The following DOCK2 variants were observed in gnomAD, a reference collection of about 807,000 sequenced individuals.
The protein encoded by DOCK2 is dedicator of cytokinesis protein 2.
Under a neutral mutation model 248.9 loss-of-function variants are expected in DOCK2, and 87 were observed. That is an observed-to-expected ratio of 0.35 (90% CI 0.29 to 0.42). DOCK2 has a LOEUF of 0.42. Among genes scored for constraint, DOCK2 ranks in the 10% least tolerant of loss-of-function variants. The pLI is 1.00. For synonymous variants in DOCK2, 805 were observed against 821.6 expected (o/e 0.98, Z 0.35); for missense variants, 1,747 against 2,300.2 (o/e 0.76, Z 4.92).
intron 41 of DOCK2, among the ~76,000 whole-genome samples, chr5:170,051,319 AC>A: frequency 6.6e-6 from 1 of 151,706 alleles, no homozygotes; most frequent in East Asian, 1.9e-4. Flanking sequence ...CGTCAGCCCC[AC>A]CCCCATCCTT....
intron 40 of DOCK2, among the ~76,000 whole-genome samples, chr5:170,049,076 C>T (rs1265966997): frequency 6.6e-6 from 1 of 152,162 alleles, no homozygotes; most frequent in Non-Finnish European, 1.5e-5. Context: ...ACGTCAGAAT[C>T]CCCTGGAGAA....
At chr5:169,745,538 T>A (rs1344656423) in intron 22 of DOCK2, among the ~76,000 whole-genome samples, 6 of 152,208 alleles carry the variant, frequency 3.9e-5, no homozygotes, top group African/African-American at 1.4e-4. Context: ...AGCAAAGCAG[T>A]GTGCAAAGAG....
At position 170,040,924 on chromosome 5, in the gene DOCK2, G is replaced by A. The variant is rs555993653; in HGVS notation, c.3666-131G>A. 135 of 674,962 alleles carry A rather than the reference G, an allele frequency of 2.0e-4. 37 individuals carry two copies. The African/African-American group carries it at 5.3e-3, about 26-fold the overall frequency. 41.8% of individuals were successfully genotyped at this position (674,962 alleles called of 1,614,324 possible). ...CTGTCATTACCCACACAAAGTTCTG[G>A]TTATCCAGGGAGGAGGACTTTCTTG... is the stretch of plus-strand genomic sequence containing the variant. On this transcript the variant is annotated intron_variant, in intron 36 of 51. Transcript: ENST00000520908.
chr5:170,039,639 A>C (rs576594210), intron 36 of DOCK2, among the ~76,000 whole-genome samples: 1 of 152,290 alleles, frequency 6.6e-6, no homozygotes, highest in South Asian at 2.1e-4. Context: ...GGCAGCCTAC[A>C]TTTGACCCAC....
At chr5:169,968,851 T>A (rs1184575028) in intron 27 of DOCK2, among the ~76,000 whole-genome samples, 1 of 152,120 alleles carries the variant, frequency 6.6e-6, no homozygotes, top group Non-Finnish European at 1.5e-5. Flanking sequence ...TAGAGAAGGC[T>A]TCCCGGGAGA....
chr5:169,848,344 G>T (rs1175542994), intron 27 of DOCK2, among the ~76,000 whole-genome samples: 1 of 152,210 alleles, frequency 6.6e-6, no homozygotes, highest in East Asian at 1.9e-4. Flanking sequence ...ATGTGAACCA[G>T]GGACACCAGA....
At chr5:170,077,975 A>T in intron 48 of DOCK2, 138 bp downstream of exon 48, 1 of 739,280 alleles carries the variant, frequency 1.4e-6, no homozygotes, top group Non-Finnish European at 2.2e-6. Context: ...TCCCATCTGC[A>T]GTCTCACAAC....
At chr5:169,746,576 C>T (rs1472422922) in intron 22 of DOCK2, among the ~76,000 whole-genome samples, 3 of 152,132 alleles carry the variant, frequency 2.0e-5, no homozygotes, top group Non-Finnish European at 4.4e-5. Flanking sequence ...GATTAGGCTG[C>T]GGATATTTCA....
chr5:169,665,867 T>A (rs2113256684), intron 2 of DOCK2, among the ~76,000 whole-genome samples: 1 of 152,322 alleles, frequency 6.6e-6, no homozygotes, highest in African/African-American at 2.4e-5. Flanking sequence ...CTGCCTCCCT[T>A]GACTCTTAGA....
chr5:169,798,444 G>A (rs1008139314), intron 25 of DOCK2, among the ~76,000 whole-genome samples: 1 of 152,198 alleles, frequency 6.6e-6, no homozygotes, highest in Non-Finnish European at 1.5e-5. Flanking sequence ...ACTTACCAAG[G>A]AGATCTTTCA....
At position 170,082,881 on chromosome 5, in the gene DOCK2, T is replaced by C; in HGVS notation, c.*23T>C. On this transcript the variant is annotated 3_prime_UTR_variant, in exon 52 of 52. Coordinates refer to ENST00000520908, the MANE Select transcript of DOCK2 (RefSeq NM_004946.3). Reference sequence around the variant, plus strand: ...TGAGCTGCTGCTGACTAGGGCTGCATGGGAGAGCCAGGGAGGGGAGTTTCT... The same window carrying C: ...TGAGCTGCTGCTGACTAGGGCTGCACGGGAGAGCCAGGGAGGGGAGTTTCT... 1 of 1,614,118 alleles carries C rather than the reference T, an allele frequency of 6.2e-7. No individual in the cohort carries two copies. The highest frequency in any genetic ancestry group is 1.7e-5 in the Admixed American group (1 of 60,022).
chr5:170,011,700 C>T (rs1755302487), intron 32 of DOCK2, among the ~76,000 whole-genome samples: 1 of 152,154 alleles, frequency 6.6e-6, no homozygotes, highest in Non-Finnish European at 1.5e-5. Flanking sequence ...CAGAAACATA[C>T]CTGTTAGGTC....
At chr5:170,061,121 C>A (rs1757313532) in intron 44 of DOCK2, among the ~76,000 whole-genome samples, 1 of 152,196 alleles carries the variant, frequency 6.6e-6, no homozygotes, top group African/African-American at 2.4e-5. Context: ...CCTCACCCAT[C>A]CACACACACT....
At chr5:169,882,353 C>G (rs1432735555) in intron 27 of DOCK2, among the ~76,000 whole-genome samples, 1 of 152,152 alleles carries the variant, frequency 6.6e-6, no homozygotes, top group African/African-American at 2.4e-5. Flanking sequence ...CAGTAGAAAT[C>G]CACAGAAATC....
chr5:169,818,872 G>T (rs1015949455), intron 26 of DOCK2, among the ~76,000 whole-genome samples: 4 of 152,044 alleles, frequency 2.6e-5, no homozygotes, highest in African/African-American at 4.8e-5. Flanking sequence ...TGTTCTGGGG[G>T]GCAGAGTCCA....
intron 2 of DOCK2, among the ~76,000 whole-genome samples, chr5:169,657,582 A>G (rs1275653144): frequency 6.6e-6 from 1 of 152,240 alleles, no homozygotes; most frequent in African/African-American, 2.4e-5. Context: ...AGGGACAAAC[A>G]TAAAAAAGCA....
At chr5:169,761,464 G>A in intron 24 of DOCK2, 55 bp from the exon 25 acceptor site, 1 of 1,456,410 alleles carries the variant, frequency 6.9e-7, no homozygotes, top group Non-Finnish European at 9.6e-7. Context: ...AGTGCTATGA[G>A]CTGGGAGACA....
chr5:169,968,605 T>C (rs1410466650), intron 27 of DOCK2, among the ~76,000 whole-genome samples: 1 of 152,344 alleles, frequency 6.6e-6, no homozygotes. Flanking sequence ...GGTTTTTGTT[T>C]TTCATTTTGA....
chr5:169,775,686 G>T (rs758599691), intron 25 of DOCK2, among the ~76,000 whole-genome samples: 2 of 151,832 alleles, frequency 1.3e-5, no homozygotes, highest in Non-Finnish European at 2.9e-5. Context: ...CTATAAGAAT[G>T]ACTATTGCCA....
Sources: gnomAD v4.1 joint callset for allele counts (sites outside exome capture counted in the v4.1 genomes callset) on GRCh38, gnomAD v4.1.1 for gene constraint, MANE v1.5 for transcripts, NCBI Gene and HGNC (gene_info 2026-07-23, HGNC 2026-07-21) for gene names.